The following ZMIZ1 variants were observed in gnomAD, a reference collection of about 807,000 sequenced individuals.
ZMIZ1 encodes zinc finger MIZ domain-containing protein 1.
In ZMIZ1, 17 loss-of-function variants were observed where a neutral mutation model predicts 113.9. The ratio of observed to expected loss-of-function variants is 0.15; its 90% CI spans 0.10 to 0.22. ZMIZ1 has a LOEUF of 0.22. Among genes scored for constraint, ZMIZ1 ranks in the 10% least tolerant of loss-of-function variants. The pLI is 1.00. For missense variants in ZMIZ1, 1,059 were observed against 1,477.8 expected, an observed-to-expected ratio of 0.72 and a Z score of 4.65; for synonymous variants, 607 against 603.1, an observed-to-expected ratio of 1.01 and a Z score of -0.09.
chr10:79,215,717 G>A (rs1160203864), intron 6 of ZMIZ1, among the ~76,000 whole-genome samples: 1 of 152,104 alleles, frequency 6.6e-6, no homozygotes, highest in Non-Finnish European at 1.5e-5. Flanking sequence ...GAAGGGCAGT[G>A]AGCCCTCCCC....
chr10:79,165,976 G>C (rs1564692832), intron 4 of ZMIZ1, among the ~76,000 whole-genome samples: 3 of 150,568 alleles, frequency 2.0e-5, no homozygotes, highest in Non-Finnish European at 3.0e-5. Flanking sequence ...GTGTGTGTGT[G>C]TGTGTGTGTG....
At chr10:79,217,188 C>T (rs1459529981) in intron 7 of ZMIZ1, among the ~76,000 whole-genome samples, 2 of 152,192 alleles carry the variant, frequency 1.3e-5, no homozygotes, top group Non-Finnish European at 2.9e-5. Context: ...CTTTGGGAGG[C>T]CGAGGCGAGC....
Position 79,134,185 on chromosome 10 carries a change from G to C in ZMIZ1, c.-226-5497G>C, listed in dbSNP as rs552888821. Among the ~76,000 whole-genome samples the C allele has an allele frequency of 3.3e-5, 5 of 152,342 alleles. No individual in the cohort carries two copies. In the South Asian group the frequency reaches 1.0e-3, roughly 32 times the overall value. On this transcript the variant is annotated intron_variant, in intron 2 of 24. Transcript: ENST00000334512. ...AAGCCCGGGGTCACCAGGAGCACCAGATGCCACTGGGGCTCAGGGCGGGGT... is the reference window on the plus strand; with the variant it reads ...AAGCCCGGGGTCACCAGGAGCACCACATGCCACTGGGGCTCAGGGCGGGGT...
chr10:79,221,807 A>G (rs1372119003), intron 7 of ZMIZ1, among the ~76,000 whole-genome samples: 1 of 152,188 alleles, frequency 6.6e-6, no homozygotes, highest in African/African-American at 2.4e-5. Context: ...CAGGGCCCAG[A>G]GAGGGGAGGA....
intron 1 of ZMIZ1, among the ~76,000 whole-genome samples, chr10:79,083,788 G>A (rs971056945): frequency 6.6e-6 from 1 of 152,224 alleles, no homozygotes; most frequent in East Asian, 1.9e-4. Flanking sequence ...GGGAATGCCT[G>A]TCCACCTCCG....
intron 4 of ZMIZ1, among the ~76,000 whole-genome samples, chr10:79,190,750 C>G (rs1005791999): frequency 3.3e-5 from 5 of 152,160 alleles, no homozygotes; most frequent in Non-Finnish European, 5.9e-5. Context: ...TACTTGTTTG[C>G]AGGCTACTGT....
chr10:79,157,794 G>A (rs1845961236), intron 3 of ZMIZ1, among the ~76,000 whole-genome samples: 1 of 152,172 alleles, frequency 6.6e-6, no homozygotes, highest in Non-Finnish European at 1.5e-5. Flanking sequence ...CTTGCTCCTG[G>A]AGCCAGCACT....
At position 79,261,661 on chromosome 10, in the gene ZMIZ1, A is replaced by G. The variant is rs563921211; in HGVS notation, c.281-15520A>G. 1.1e-4 allele frequency among the ~76,000 whole-genome samples: 16 copies of G among 152,340 alleles called. 1 individual carries two copies. Among genetic ancestry groups the G allele is most frequent in the African/African-American group, 3.8e-4 (16 of 41,582 alleles). On this transcript the variant is annotated intron_variant, in intron 7 of 24. Coordinates refer to ENST00000334512, the MANE Select transcript of ZMIZ1 (RefSeq NM_020338.4). ...AGGCAGAGGGCTGAGGGACACCAGC[A>G]AGTGGTGTTGCTGAGAGATGCCGGG... is the stretch of plus-strand genomic sequence containing the variant.
At chr10:79,280,575 GAC>G (rs5786390) in intron 8 of ZMIZ1, among the ~76,000 whole-genome samples, 47,385 of 150,850 alleles carry the variant, frequency 0.31, 7,871 homozygotes, top group East Asian at 0.45. Context: ...ACACCTGTCT[GAC>G]ACAGGGGTAA....
At chr10:79,136,058 C>A (rs1844995363) in intron 2 of ZMIZ1, among the ~76,000 whole-genome samples, 1 of 152,190 alleles carries the variant, frequency 6.6e-6, no homozygotes, top group Admixed American at 6.5e-5. Flanking sequence ...CAAAAGGCAC[C>A]TGCCTCCTCC....
At chr10:79,105,673 T>C (rs989146863) in intron 1 of ZMIZ1, among the ~76,000 whole-genome samples, 1 of 152,222 alleles carries the variant, frequency 6.6e-6, no homozygotes, top group Non-Finnish European at 1.5e-5. Context: ...AACAGTGCCA[T>C]TGTTTGTTCT....
At chr10:79,240,188 C>A (rs1193293761) in intron 7 of ZMIZ1, among the ~76,000 whole-genome samples, 1 of 152,260 alleles carries the variant, frequency 6.6e-6, no homozygotes, top group East Asian at 1.9e-4. Flanking sequence ...GCCCTTTCTT[C>A]TTCCTTTCTT....
At chr10:79,125,237 C>T (rs1346427287) in intron 2 of ZMIZ1, among the ~76,000 whole-genome samples, 1 of 152,238 alleles carries the variant, frequency 6.6e-6, no homozygotes, top group Non-Finnish European at 1.5e-5. Context: ...CCAACCCCAT[C>T]TGCCATGGGC....
At chr10:79,230,993 C>T (rs186097130) in intron 7 of ZMIZ1, among the ~76,000 whole-genome samples, 7 of 152,368 alleles carry the variant, frequency 4.6e-5, no homozygotes, top group African/African-American at 1.7e-4. Flanking sequence ...CCTGCTCGGG[C>T]TAGGCTAGGT....
chr10:79,240,811 A>G (rs2132829604), intron 7 of ZMIZ1, among the ~76,000 whole-genome samples: 1 of 151,874 alleles, frequency 6.6e-6, no homozygotes, highest in East Asian at 1.9e-4. Context: ...GGTTGTCTTT[A>G]TTGAAGTTTC....
intron 1 of ZMIZ1, among the ~76,000 whole-genome samples, chr10:79,106,066 C>T (rs568648001): frequency 2.6e-5 from 4 of 152,312 alleles, no homozygotes; most frequent in Admixed American, 6.5e-5. Context: ...TTCTGGCATC[C>T]GGGCCAAGGA....
chr10:79,139,902 C>T (rs111646417), intron 3 of ZMIZ1, 125 bp downstream of exon 3: 7,599 of 398,154 alleles, frequency 0.019, 92 homozygotes, highest in Non-Finnish European at 0.027. Context: ...CTGCTTCTCA[C>T]AGCCTTTCCT....
At position 79,069,853 on chromosome 10, in the gene ZMIZ1, G is replaced by T. The variant is rs1842194271; in HGVS notation, c.-337+583G>T. Among the ~76,000 whole-genome samples, 2 of 151,912 alleles carry T rather than the reference G, an allele frequency of 1.3e-5. No individual in the cohort carries two copies. The highest frequency in any genetic ancestry group is 2.9e-5 in the Non-Finnish European group (2 of 67,952). ...CGGTTAAGTTGTTTGTGTGGGAATT[G>T]CCCGGGGAAAGCTGGCGCGCGGTAC... On this transcript the variant is annotated intron_variant, in intron 1 of 24. Coordinates refer to ENST00000334512, the MANE Select transcript of ZMIZ1 (RefSeq NM_020338.4). The surrounding 1 kb of genome is among the most constrained non-coding windows in gnomAD (Gnocchi z 4.6).
chr10:79,178,268 G>A (rs1353827606), intron 4 of ZMIZ1, among the ~76,000 whole-genome samples: 4 of 152,174 alleles, frequency 2.6e-5, no homozygotes, highest in Admixed American at 2.6e-4. Context: ...AGTGCTCATG[G>A]CCGCCCTTCA....
Sources: allele counts gnomAD v4.1 joint callset (sites outside exome capture counted in the v4.1 genomes callset), GRCh38; gene constraint gnomAD v4.1.1; non-coding constraint Gnocchi (gnomAD v3.1); transcripts MANE v1.5; gene names NCBI Gene and HGNC (gene_info 2026-07-23, HGNC 2026-07-21).